Variants in TVP23C observed in about 807,000 individuals in gnomAD.
The protein encoded by TVP23C is trans-golgi network vesicle protein 23 homolog C.
TVP23C carries 19 observed loss-of-function variants against 28.7 expected under a neutral mutation model. The ratio of observed to expected loss-of-function variants is 0.66; its 90% CI spans 0.46 to 0.97. TVP23C has a LOEUF of 0.97. Ranked by LOEUF, TVP23C falls within the 50% of genes least tolerant of loss-of-function variation. The pLI is 0.00. For synonymous variants in TVP23C, 68 were observed against 81.7 expected, an observed-to-expected ratio of 0.83 and a Z score of 0.90; for missense variants, 186 against 241.3, an observed-to-expected ratio of 0.77 and a Z score of 1.52.
At position 15,537,911 on chromosome 17, in the gene TVP23C, A is replaced by G; in HGVS notation, c.*2501T>C. On this transcript the variant is annotated 3_prime_UTR_variant, in exon 6 of 6. Coordinates refer to ENST00000518321, the MANE Select transcript of TVP23C (RefSeq NM_001135036.2). ...CTACACCACAGAACAAATCTTAACA[A>G]TGTTTCTAGTGCCAACATATACTTT... 1 of 1,433,572 alleles carries G rather than the reference A, an allele frequency of 7.0e-7. No individual in the cohort carries two copies. 88.8% of individuals were successfully genotyped at this position (1,433,572 alleles called of 1,614,324 possible). A position where few individuals can be genotyped will look rare whatever the true frequency, so the allele number is the denominator to read the frequency against.
rs539054988 is a variant in TVP23C, at chr17:15,539,403, C to T, written c.*1009G>A. On this transcript the variant is annotated 3_prime_UTR_variant, in exon 6 of 6. Coordinates refer to ENST00000518321, the MANE Select transcript of TVP23C (RefSeq NM_001135036.2). ...CAGGCGGATCACGAGGTCAGGAGAT[C>T]GAGACCATCCTGGCTAACACGGTGA... The T allele has an allele frequency of 3.8e-5, 24 of 628,584 alleles. No homozygotes were observed. Among genetic ancestry groups the T allele is most frequent in the Admixed American group, 6.4e-5 (1 of 15,712 alleles). The allele number at this position is 628,584 out of a possible 1,614,324, so 38.9% of individuals were successfully genotyped here.
intron 3 of TVP23C, among the ~76,000 whole-genome samples, chr17:15,550,109 G>C (rs1164296408): frequency 6.6e-6 from 1 of 151,726 alleles, no homozygotes; most frequent in Non-Finnish European, 1.5e-5. Flanking sequence ...TGAAATTTCT[G>C]GACTCAAGTA....
intron 1 of TVP23C, among the ~76,000 whole-genome samples, chr17:15,561,994 T>A (rs1468014227): frequency 6.6e-6 from 1 of 152,060 alleles, no homozygotes; most frequent in African/African-American, 2.4e-5. Context: ...CCATGCCAGT[T>A]TACAAATGCC....
chr17:15,539,766 GTCT>G lies in TVP23C; in HGVS notation c.*643_*645del. On this transcript the variant is annotated 3_prime_UTR_variant, in exon 6 of 6. Coordinates refer to ENST00000518321, the MANE Select transcript of TVP23C (RefSeq NM_001135036.2). ...AAAACATCTGAGTACAAATGTTATG[GTCT>G]TCTTGTGATTCAACTGTTCTCCCTA... 1.0e-6 allele frequency: 1 copy of G among 984,898 alleles called. No individual in the cohort carries two copies. 61.0% of individuals were successfully genotyped at this position (984,898 alleles called of 1,614,324 possible). A position where few individuals can be genotyped will look rare whatever the true frequency, so the allele number is the denominator to read the frequency against.
At chr17:15,542,677 G>A (rs188722932) in intron 5 of TVP23C, among the ~76,000 whole-genome samples, 2,350 of 151,744 alleles carry the variant, frequency 0.015, 24 homozygotes, top group African/African-American at 0.029. Flanking sequence ...GGGTTTCACC[G>A]TGTTAGCCAG....
chr17:15,532,671 C>T (rs572364033), downstream of TVP23C, among the ~76,000 whole-genome samples: 1 of 152,234 alleles, frequency 6.6e-6, no homozygotes, highest in Admixed American at 6.5e-5. Flanking sequence ...CTGCCAGTGT[C>T]CTCACTGATT....
intron 5 of TVP23C, chr17:15,506,844 C>T: frequency 1.6e-6 from 1 of 630,562 alleles, no homozygotes; most frequent in Non-Finnish European, 2.9e-6. Flanking sequence ...GACCAAGAAC[C>T]CACTAGAACA....
intron 5 of TVP23C, among the ~76,000 whole-genome samples, chr17:15,544,066 G>T (rs951159802): frequency 1.3e-5 from 2 of 150,934 alleles, no homozygotes; most frequent in Non-Finnish European, 3.0e-5. Flanking sequence ...TGGGTTACAT[G>T]AACTAAAAAA....
intron 1 of TVP23C, among the ~76,000 whole-genome samples, chr17:15,556,541 T>G (rs1272684450): frequency 6.6e-6 from 1 of 152,092 alleles, no homozygotes; most frequent in Non-Finnish European, 1.5e-5. Flanking sequence ...TTTTGTATTT[T>G]TTTAGTAGAG....
At chr17:15,545,671 G>C in intron 5 of TVP23C, 114 bp downstream of exon 5, 1 of 1,402,500 alleles carries the variant, frequency 7.1e-7, no homozygotes, top group Middle Eastern at 1.9e-4. Flanking sequence ...ACATGATGAA[G>C]CTGCCTATTC....
chr17:15,542,869 A>G (rs1302777290), intron 5 of TVP23C, among the ~76,000 whole-genome samples: 1 of 152,212 alleles, frequency 6.6e-6, no homozygotes, highest in African/African-American at 2.4e-5. Flanking sequence ...TAGGATATAA[A>G]TAACTCCTAC....
intron 5 of TVP23C, chr17:15,503,299 A>G: frequency 7.0e-7 from 1 of 1,437,916 alleles, no homozygotes; most frequent in Non-Finnish European, 9.1e-7. Context: ...CAGCTACTTG[A>G]CAGGCCGAGA....
At chr17:15,511,586 G>A (rs1200666662) in intron 5 of TVP23C, among the ~76,000 whole-genome samples, 1 of 152,186 alleles carries the variant, frequency 6.6e-6, no homozygotes, top group African/African-American at 2.4e-5. Flanking sequence ...GAAACTGAAA[G>A]AGATGATTTC....
intron 3 of TVP23C, among the ~76,000 whole-genome samples, chr17:15,552,205 G>A (rs1207291361): frequency 1.3e-5 from 2 of 152,198 alleles, no homozygotes; most frequent in Non-Finnish European, 2.9e-5. Context: ...TCAAAACTGT[G>A]AGCAGTATGT....
chr17:15,550,793 T>C (rs1983850910), intron 3 of TVP23C, among the ~76,000 whole-genome samples: 1 of 152,160 alleles, frequency 6.6e-6, no homozygotes, highest in Non-Finnish European at 1.5e-5. Flanking sequence ...GATCTTTGCC[T>C]TCTTTTATTT....
chr17:15,537,763 ATCC>A lies in TVP23C; in HGVS notation c.*2646_*2648del. On this transcript the variant is annotated 3_prime_UTR_variant, in exon 6 of 6. Coordinates refer to ENST00000518321, the MANE Select transcript of TVP23C (RefSeq NM_001135036.2). ...TAGAGCTTTGAGACAGACTAAGAAC[ATCC>A]TCCTATGTTCTATGGATCAAAATGC... The A allele has an allele frequency of 5.8e-6, 6 of 1,038,350 alleles. No individual in the cohort carries two copies. The South Asian group carries it at 2.6e-4, about 46-fold the overall frequency. The allele number at this position is 1,038,350 out of a possible 1,614,324, so 64.3% of individuals were successfully genotyped here.
downstream of TVP23C, among the ~76,000 whole-genome samples, chr17:15,535,238 G>A (rs1199478572): frequency 6.6e-6 from 1 of 152,124 alleles, no homozygotes; most frequent in East Asian, 1.9e-4. Flanking sequence ...TATAGAAGCT[G>A]GATGGACCTT....
intron 5 of TVP23C, among the ~76,000 whole-genome samples, chr17:15,505,607 G>C (rs1277976054): frequency 6.6e-6 from 1 of 152,218 alleles, no homozygotes; most frequent in Non-Finnish European, 1.5e-5. Context: ...CACTTGAGGA[G>C]CCCTTCAGCC....
At chr17:15,559,617 G>C (rs1288045331) in intron 1 of TVP23C, among the ~76,000 whole-genome samples, 1 of 148,734 alleles carries the variant, frequency 6.7e-6, no homozygotes, top group East Asian at 2.0e-4. Context: ...AAAGCACAAC[G>C]CTAGGAGACT....
Sources: allele counts gnomAD v4.1 joint callset (sites outside exome capture counted in the v4.1 genomes callset), GRCh38; gene constraint gnomAD v4.1.1; transcripts MANE v1.5; gene names NCBI Gene and HGNC (gene_info 2026-07-23, HGNC 2026-07-21).